The following GPR149 variants were observed in gnomAD, a reference collection of about 807,000 sequenced individuals.
GPR149 encodes G protein-coupled receptor 149, also known as probable G protein-coupled receptor 149.
In GPR149, 50 loss-of-function variants were observed where a neutral mutation model predicts 50.2. The ratio of observed to expected loss-of-function variants is 1.00; its 90% CI spans 0.79 to 1.26. The LOEUF is 1.26. Among genes scored for constraint, GPR149 ranks in the 50% most tolerant of loss-of-function variants. The pLI, the probability that GPR149 is intolerant of heterozygous loss-of-function variation, is 0.00. For synonymous variants in GPR149, 405 were observed against 358.2 expected (o/e 1.13, Z -1.48); for missense variants, 983 against 895.4 (o/e 1.10, Z -1.25).
Position 154,428,754 on chromosome 3 carries a change from A to G in GPR149, c.862T>C (p.Cys288Arg), listed in dbSNP as rs746469250. 2.5e-5 allele frequency: 41 copies of G among 1,614,018 alleles called. No homozygotes were observed. In the Middle Eastern group the frequency reaches 6.6e-4, roughly 26 times the overall value. The change falls in exon 1 of 4, where the codon TGC becomes CGC. Residue 288 changes from cysteine to arginine, a missense_variant. By Grantham distance (180) the Cys-to-Arg change is radical (BLOSUM62 -3). Transcript: ENST00000389740. Reference sequence around the variant, plus strand: ...AGAGTCCCCCGGTTCTCACGCCTGCAGGCTTCAGCCCCAGCGGCAGCGGGC... The same window carrying G: ...AGAGTCCCCCGGTTCTCACGCCTGCGGGCTTCAGCCCCAGCGGCAGCGGGC... ...GAPAAAGAEACRRENRGTLYG... is the reference protein window; with the variant it reads ...GAPAAAGAEARRRENRGTLYG...
chr3:154,345,815 T>C (rs1012683407), intron 3 of GPR149, among the ~76,000 whole-genome samples: 1 of 152,156 alleles, frequency 6.6e-6, no homozygotes, highest in South Asian at 2.1e-4. Flanking sequence ...AGACATTATA[T>C]AGCATCTAGG....
intron 3 of GPR149, among the ~76,000 whole-genome samples, chr3:154,399,488 C>T (rs1366089096): frequency 6.6e-6 from 1 of 152,150 alleles, no homozygotes; most frequent in Non-Finnish European, 1.5e-5. Context: ...TAGTAAATAT[C>T]ACCTTTCTCC....
intron 3 of GPR149, among the ~76,000 whole-genome samples, chr3:154,358,419 CT>C (rs1559973447): frequency 6.6e-6 from 1 of 151,746 alleles, no homozygotes; most frequent in African/African-American, 2.4e-5. Context: ...ACTTTTTTTC[CT>C]TGAAAAATAT....
intron 3 of GPR149, among the ~76,000 whole-genome samples, chr3:154,414,921 A>G (rs766674011): frequency 2.6e-5 from 4 of 152,018 alleles, no homozygotes; most frequent in Non-Finnish European, 5.9e-5. Context: ...ATCCAGAACC[A>G]GAAAGAGAAC....
At chr3:154,394,696 C>T (rs977626532) in intron 3 of GPR149, among the ~76,000 whole-genome samples, 16 of 152,040 alleles carry the variant, frequency 1.1e-4, no homozygotes, top group Admixed American at 7.2e-4. Context: ...ATATAAGGAA[C>T]TCATACAACT....
At chr3:154,427,154 T>C (rs1052361891) in intron 2 of GPR149, among the ~76,000 whole-genome samples, 6 of 152,210 alleles carry the variant, frequency 3.9e-5, no homozygotes, top group Non-Finnish European at 8.8e-5. Context: ...CATCTCATTC[T>C]AGACTTGGGA....
At chr3:154,395,341 C>A (rs1033734694) in intron 3 of GPR149, among the ~76,000 whole-genome samples, 2 of 151,172 alleles carry the variant, frequency 1.3e-5, no homozygotes, top group African/African-American at 4.8e-5. Flanking sequence ...AGAACATATA[C>A]ACTCTACCAG....
Position 154,335,150 on chromosome 3 carries a change from T to C in GPR149, c.*2549A>G, listed in dbSNP as rs1341750704. The C allele has an allele frequency of 6.6e-6, 1 of 152,088 alleles. No individual in the cohort carries two copies. Among genetic ancestry groups the C allele is most frequent in the Non-Finnish European group, 1.5e-5 (1 of 68,008 alleles). 9.4% of individuals were successfully genotyped at this position (152,088 alleles called of 1,614,324 possible). A position where few individuals can be genotyped will look rare whatever the true frequency, so the allele number is the denominator to read the frequency against. On this transcript the variant is annotated 3_prime_UTR_variant, in exon 4 of 4. Transcript: ENST00000389740. Reference sequence around the variant, plus strand: ...TGATATTTTTATTAGGTAATAAGTTTTTGCCTTCAGATACATCAATTTATA... The same window carrying C: ...TGATATTTTTATTAGGTAATAAGTTCTTGCCTTCAGATACATCAATTTATA...
intron 3 of GPR149, among the ~76,000 whole-genome samples, chr3:154,403,128 A>G (rs1281465885): frequency 6.6e-6 from 1 of 152,212 alleles, no homozygotes; most frequent in Admixed American, 6.5e-5. Context: ...CTTGATCCAC[A>G]ATCAATGGTT....
chr3:154,354,784 G>T, intron 3 of GPR149: 3 of 695,464 alleles, frequency 4.3e-6, no homozygotes, highest in Non-Finnish European at 6.3e-6. Flanking sequence ...GTCGCCCCAA[G>T]GAGTTTCCCA....
chr3:154,375,393 G>C (rs1050476189), intron 3 of GPR149, among the ~76,000 whole-genome samples: 1 of 151,842 alleles, frequency 6.6e-6, no homozygotes, highest in Non-Finnish European at 1.5e-5. Flanking sequence ...CATTTTTGTT[G>C]GTATTAACTC....
intron 3 of GPR149, among the ~76,000 whole-genome samples, chr3:154,387,076 C>T (rs962928850): frequency 1.3e-5 from 2 of 152,002 alleles, no homozygotes; most frequent in African/African-American, 2.4e-5. Flanking sequence ...TAAAACAATA[C>T]CTATCATGAC....
In GPR149 at chr3:154,429,104, C is replaced by A. The variant is rs749485294; in HGVS notation, c.512G>T (p.Gly171Val). The change falls in exon 1 of 4, where the codon GGC becomes GTC. Residue 171 changes from glycine to valine, a missense_variant. By Grantham distance (109) the Gly-to-Val change is moderately radical. Coordinates refer to ENST00000389740, the MANE Select transcript of GPR149 (RefSeq NM_001038705.3). ...SLLLSALPLC[G>V]WGAFVRTPWG... ...GGGCGTGCGCACGAAGGCGCCCCAGCCGCACAGCGGGAGCGCCGAGAGCAG... is the reference window on the plus strand; with the variant it reads ...GGGCGTGCGCACGAAGGCGCCCCAGACGCACAGCGGGAGCGCCGAGAGCAG... 4.3e-6 allele frequency: 7 copies of A among 1,613,562 alleles called. No individual in the cohort carries two copies. The African/African-American group carries it at 8.0e-5, about 18-fold the overall frequency.
At chr3:154,428,577 C>G (rs890071187) in intron 1 of GPR149, 58 bp downstream of exon 1, 9 of 1,532,572 alleles carry the variant, frequency 5.9e-6, no homozygotes, top group Non-Finnish European at 7.0e-6. Context: ...CCGGTCCCAA[C>G]ACTCATTTAC....
chr3:154,354,249 A>C, intron 3 of GPR149: 1 of 458,106 alleles, frequency 2.2e-6, no homozygotes, highest in South Asian at 1.8e-5. Context: ...TCACTCCAGC[A>C]CTGTGTAATG....
At chr3:154,421,553 T>C (rs555766650) in intron 2 of GPR149, 66 bp from the exon 3 acceptor site, 3 of 733,696 alleles carry the variant, frequency 4.1e-6, no homozygotes, top group East Asian at 5.7e-5. Context: ...TGTATATATA[T>C]AGCAAATAAA....
chr3:154,414,310 TA>T (rs1047233928), intron 3 of GPR149, among the ~76,000 whole-genome samples: 1 of 151,076 alleles, frequency 6.6e-6, no homozygotes, highest in Non-Finnish European at 1.5e-5. Context: ...CCTATTGAAA[TA>T]AAAAAACAAA....
In GPR149 at chr3:154,429,861, C is replaced by G. The variant is rs1229456202; in HGVS notation, c.-246G>C. On this transcript the variant is annotated 5_prime_UTR_variant, in exon 1 of 4. Coordinates refer to ENST00000389740, the MANE Select transcript of GPR149 (RefSeq NM_001038705.3). ...CCGAACAGATAACTTTTCAACATTC[C>G]AATTAAAAACAAAGCAAAAACTCCT... 2.7e-6 allele frequency: 1 copy of G among 375,088 alleles called. No homozygotes were observed. Among genetic ancestry groups the G allele is most frequent in the Non-Finnish European group, 4.7e-6 (1 of 212,434 alleles). 23.2% of individuals were successfully genotyped at this position (375,088 alleles called of 1,614,324 possible). A position where few individuals can be genotyped will look rare whatever the true frequency, so the allele number is the denominator to read the frequency against.
chr3:154,353,259 G>T (rs1714129438), intron 3 of GPR149: 15 of 1,457,542 alleles, frequency 1.0e-5, no homozygotes, highest in Non-Finnish European at 1.4e-5. Flanking sequence ...CACAGTAGTT[G>T]CAGCCTTTTG....
Sources: allele counts gnomAD v4.1 joint callset (sites outside exome capture counted in the v4.1 genomes callset), GRCh38; gene constraint gnomAD v4.1.1; transcripts MANE v1.5; gene names NCBI Gene and HGNC (gene_info 2026-07-23, HGNC 2026-07-21).